The following EFNA5 variants were observed in gnomAD, a reference collection of about 807,000 sequenced individuals.
The protein encoded by EFNA5 is ephrin A5.
Under a neutral mutation model 22.9 loss-of-function variants are expected in EFNA5, and 5 were observed. The ratio of observed to expected loss-of-function variants is 0.22; its 90% CI spans 0.11 to 0.46. EFNA5 has a LOEUF of 0.46. Ranked by LOEUF, EFNA5 falls within the 20% of genes least tolerant of loss-of-function variation. The pLI, the probability that EFNA5 is intolerant of heterozygous loss-of-function variation, is 0.99. For synonymous variants in EFNA5, 113 were observed against 112.2 expected (o/e 1.01, Z -0.04); for missense variants, 237 against 293.3 (o/e 0.81, Z 1.40).
At chr5:107,499,568 AT>A (rs892175771) in intron 1 of EFNA5, among the ~76,000 whole-genome samples, 1 of 152,170 alleles carries the variant, frequency 6.6e-6, no homozygotes, top group Non-Finnish European at 1.5e-5. Context: ...TTGACACTGG[AT>A]TTTTTTAAAG....
intron 1 of EFNA5, among the ~76,000 whole-genome samples, chr5:107,554,805 T>C (rs1242622546): frequency 1.3e-5 from 2 of 152,198 alleles, no homozygotes; most frequent in African/African-American, 4.8e-5. Flanking sequence ...AAAAAGGCTA[T>C]GTACCTTGGC....
intron 1 of EFNA5, among the ~76,000 whole-genome samples, chr5:107,479,287 T>A (rs1750389687): frequency 6.6e-6 from 1 of 152,088 alleles, no homozygotes; most frequent in Non-Finnish European, 1.5e-5. Context: ...GGTAAATATG[T>A]AAGCAAGTGC....
chr5:107,430,774 C>CTTTT (rs869266799), intron 1 of EFNA5, among the ~76,000 whole-genome samples: 112 of 20,274 alleles, frequency 5.5e-3, no homozygotes, highest in East Asian at 0.016. Flanking sequence ...TTCTTTCTTT[C>CTTTT]TTTTTTTTTT....
intron 1 of EFNA5, among the ~76,000 whole-genome samples, chr5:107,572,209 G>A (rs1181736910): frequency 1.3e-5 from 2 of 151,890 alleles, no homozygotes; most frequent in Non-Finnish European, 2.9e-5. Context: ...TGGCCGCGGT[G>A]CTGAACTCCG....
intron 1 of EFNA5, among the ~76,000 whole-genome samples, chr5:107,438,462 C>T (rs1203037063): frequency 6.6e-6 from 1 of 152,184 alleles, no homozygotes; most frequent in African/African-American, 2.4e-5. Flanking sequence ...GTCCCAGCAA[C>T]CATGAGCTGG....
chr5:107,667,279 C>T (rs898862272), intron 1 of EFNA5, among the ~76,000 whole-genome samples: 1 of 152,100 alleles, frequency 6.6e-6, no homozygotes, highest in African/African-American at 2.4e-5. Flanking sequence ...CCAATAAATA[C>T]TACCAACTAA....
At chr5:107,414,812 A>C (rs1396140474) in intron 2 of EFNA5, among the ~76,000 whole-genome samples, 1 of 152,320 alleles carries the variant, frequency 6.6e-6, no homozygotes, top group East Asian at 1.9e-4. Context: ...AATTCCACTT[A>C]ATATAAATAT....
chr5:107,541,223 A>T (rs1748040544), intron 1 of EFNA5, among the ~76,000 whole-genome samples: 1 of 152,196 alleles, frequency 6.6e-6, no homozygotes, highest in South Asian at 2.1e-4. Flanking sequence ...TAATTACATA[A>T]TTATATTCAC....
At chr5:107,546,154 G>A (rs1440220485) in intron 1 of EFNA5, among the ~76,000 whole-genome samples, 6 of 152,166 alleles carry the variant, frequency 3.9e-5, no homozygotes, top group Admixed American at 3.9e-4. Context: ...GCAGAAAAAG[G>A]TAGCTTTCCT....
chr5:107,658,343 A>G (rs1750872245), intron 1 of EFNA5, among the ~76,000 whole-genome samples: 1 of 152,158 alleles, frequency 6.6e-6, no homozygotes, highest in Non-Finnish European at 1.5e-5. Flanking sequence ...TCCTCCTTAA[A>G]CTTTTTGGAC....
chr5:107,664,813 T>G (rs1751035058), intron 1 of EFNA5, among the ~76,000 whole-genome samples: 1 of 152,194 alleles, frequency 6.6e-6, no homozygotes. Context: ...TCCGGAATGC[T>G]ATTTTAACAG....
intron 1 of EFNA5, among the ~76,000 whole-genome samples, chr5:107,561,725 T>C (rs1263636193): frequency 6.6e-6 from 1 of 152,200 alleles, no homozygotes; most frequent in Non-Finnish European, 1.5e-5. Flanking sequence ...AGGTTTCCCT[T>C]TCCCCACAGC....
At chr5:107,661,921 T>C (rs1750969412) in intron 1 of EFNA5, among the ~76,000 whole-genome samples, 1 of 152,148 alleles carries the variant, frequency 6.6e-6, no homozygotes, top group Non-Finnish European at 1.5e-5. Context: ...ACTGCCTGTT[T>C]CATATAAAAA....
At chr5:107,472,350 T>A (rs1750163595) in intron 1 of EFNA5, among the ~76,000 whole-genome samples, 1 of 152,204 alleles carries the variant, frequency 6.6e-6, no homozygotes, top group Admixed American at 6.5e-5. Context: ...CAAGACCGTG[T>A]TTCTCTCAGC....
At chr5:107,509,311 C>G (rs56253049) in intron 1 of EFNA5, among the ~76,000 whole-genome samples, 173 of 150,562 alleles carry the variant, frequency 1.1e-3, no homozygotes, top group Non-Finnish European at 2.3e-3. Flanking sequence ...AACTCTTTTT[C>G]TTTTCCTTTT....
intron 1 of EFNA5, among the ~76,000 whole-genome samples, chr5:107,522,354 C>T (rs2112444303): frequency 6.6e-6 from 1 of 152,278 alleles, no homozygotes; most frequent in East Asian, 1.9e-4. Flanking sequence ...CACAGAGCCA[C>T]TAAAACCTAT....
chr5:107,621,189 T>G lies in EFNA5; in HGVS notation c.125+49300A>C, dbSNP rs146849561. Among the ~76,000 whole-genome samples, 57 of 152,252 alleles carry G rather than the reference T, an allele frequency of 3.7e-4. No individual in the cohort carries two copies. The East Asian group carries it at 9.1e-3, about 24-fold the overall frequency. On this transcript the variant is annotated intron_variant, in intron 1 of 4. Coordinates refer to ENST00000333274, the MANE Select transcript of EFNA5 (RefSeq NM_001962.3). Reference sequence around the variant, plus strand: ...CAGACAGGCCTGGCAGAAGATAACTTTAGCAGAAACATCTAGGAGAAAACA... The same window carrying G: ...CAGACAGGCCTGGCAGAAGATAACTGTAGCAGAAACATCTAGGAGAAAACA...
intron 1 of EFNA5, among the ~76,000 whole-genome samples, chr5:107,663,563 A>G (rs1358490917): frequency 3.9e-5 from 6 of 152,280 alleles, no homozygotes; most frequent in African/African-American, 1.4e-4. Context: ...ATAAGCTATA[A>G]TAGAAAGAAT....
chr5:107,530,380 C>T (rs1446390550), intron 1 of EFNA5, among the ~76,000 whole-genome samples: 2 of 152,170 alleles, frequency 1.3e-5, no homozygotes, highest in Non-Finnish European at 2.9e-5. Flanking sequence ...CACATAGCCA[C>T]GCCAAATTTC....
Sources: gnomAD v4.1 joint callset for allele counts (sites outside exome capture counted in the v4.1 genomes callset) on GRCh38, gnomAD v4.1.1 for gene constraint, MANE v1.5 for transcripts, NCBI Gene and HGNC (gene_info 2026-07-23, HGNC 2026-07-21) for gene names.